The following RAB38 variants were observed in gnomAD, a reference collection of about 807,000 sequenced individuals.
RAB38 encodes RAB38, member RAS oncogene family.
In RAB38, 15 loss-of-function variants were observed where a neutral mutation model predicts 18.4. The observed-to-expected ratio is 0.82, with a 90% CI of 0.55 to 1.26. The LOEUF (loss-of-function observed/expected upper bound fraction) is 1.26. Ranked by LOEUF, RAB38 falls within the 50% of genes most tolerant of loss-of-function variation. The pLI is 0.00. For missense variants in RAB38, 294 were observed against 267.4 expected, an observed-to-expected ratio of 1.10 and a Z score of -0.69; for synonymous variants, 101 against 104.4, an observed-to-expected ratio of 0.97 and a Z score of 0.20.
intron 2 of RAB38, among the ~76,000 whole-genome samples, chr11:88,130,816 A>G (rs1942758779): frequency 6.6e-6 from 1 of 152,216 alleles, no homozygotes; most frequent in Non-Finnish European, 1.5e-5. Context: ...GGATGAAGTC[A>G]TAAAAGGCAT....
chr11:88,023,688 A>C, the RAB38 span, among the ~76,000 whole-genome samples: 1 of 152,162 alleles, frequency 6.6e-6, no homozygotes, highest in Non-Finnish European at 1.5e-5. Context: ...TCCTGGCTTA[A>C]AAACAGACCC....
At chr11:87,842,327 AAAT>A in the RAB38 span, among the ~76,000 whole-genome samples, 6 of 152,248 alleles carry the variant, frequency 3.9e-5, no homozygotes, top group East Asian at 1.2e-3. Flanking sequence ...AAAGAAGAAA[AAAT>A]AAGATTTTAA....
At chr11:88,153,515 C>T (rs1049473928) in intron 1 of RAB38, among the ~76,000 whole-genome samples, 102 of 152,196 alleles carry the variant, frequency 6.7e-4, no homozygotes, top group African/African-American at 2.3e-3. Context: ...TCCACCTCAG[C>T]CCCTCATTGC....
chr11:87,916,445 G>A, the RAB38 span, among the ~76,000 whole-genome samples: 9 of 152,134 alleles, frequency 5.9e-5, no homozygotes, highest in Non-Finnish European at 1.3e-4. Flanking sequence ...GTTCCACTGA[G>A]CATGTTTTGT....
the RAB38 span, among the ~76,000 whole-genome samples, chr11:88,017,629 C>T: frequency 1.3e-5 from 2 of 149,746 alleles, no homozygotes; most frequent in East Asian, 1.9e-4. Context: ...TTTTAAGACC[C>T]CTGCTTTCAA....
the RAB38 span, among the ~76,000 whole-genome samples, chr11:87,841,834 G>C: frequency 6.6e-6 from 1 of 152,296 alleles, no homozygotes; most frequent in Admixed American, 6.5e-5. Flanking sequence ...GCAACATGGG[G>C]TGTATAGTCA....
the RAB38 span, among the ~76,000 whole-genome samples, chr11:87,875,008 T>G: frequency 6.6e-6 from 1 of 151,594 alleles, no homozygotes; most frequent in Non-Finnish European, 1.5e-5. Context: ...CATACTTATT[T>G]CAGCATTATT....
chr11:88,027,576 C>A, the RAB38 span, among the ~76,000 whole-genome samples: 1 of 152,238 alleles, frequency 6.6e-6, no homozygotes, highest in Admixed American at 6.5e-5. Flanking sequence ...TTATATCCCG[C>A]AACTGGCTGG....
At chr11:88,124,993 TG>T (rs1225996323) in intron 2 of RAB38, among the ~76,000 whole-genome samples, 2 of 152,222 alleles carry the variant, frequency 1.3e-5, no homozygotes, top group Non-Finnish European at 2.9e-5. Flanking sequence ...TGCTTAGAGA[TG>T]ATGATGGACA....
chr11:87,937,423 CTGGT>C, the RAB38 span, among the ~76,000 whole-genome samples: 3 of 145,356 alleles, frequency 2.1e-5, no homozygotes, highest in Admixed American at 1.4e-4. Context: ...TTTGTACTGT[CTGGT>C]TGGTTTTTAT....
At chr11:88,163,342 G>A (rs1361800384) in intron 1 of RAB38, among the ~76,000 whole-genome samples, 1 of 152,108 alleles carries the variant, frequency 6.6e-6, no homozygotes, top group Admixed American at 6.5e-5. Context: ...GGGAACCCCA[G>A]CAGGAAAAGG....
chr11:88,066,506 A>T, the RAB38 span, among the ~76,000 whole-genome samples: 59 of 152,324 alleles, frequency 3.9e-4, no homozygotes, highest in Middle Eastern at 3.4e-3. Context: ...CTCTGCCTCA[A>T]TCTATGTGAT....
chr11:88,004,083 A>T, the RAB38 span, among the ~76,000 whole-genome samples: 1 of 144,708 alleles, frequency 6.9e-6, no homozygotes, highest in Non-Finnish European at 1.5e-5. Context: ...AAGAAAGAAA[A>T]TCAGGTCCTT....
At chr11:87,881,664 T>C in the RAB38 span, among the ~76,000 whole-genome samples, 1 of 151,850 alleles carries the variant, frequency 6.6e-6, no homozygotes, top group Non-Finnish European at 1.5e-5. Context: ...AAGATTATTA[T>C]GGGTTTGTCT....
At chr11:88,080,019 A>T in the RAB38 span, among the ~76,000 whole-genome samples, 1 of 151,782 alleles carries the variant, frequency 6.6e-6, no homozygotes, top group African/African-American at 2.4e-5. Context: ...TTTCTAATTA[A>T]CATTTTACAT....
chr11:87,853,317 A>T, the RAB38 span, among the ~76,000 whole-genome samples: 6 of 152,190 alleles, frequency 3.9e-5, no homozygotes, highest in Admixed American at 3.9e-4. Flanking sequence ...AGATGAGTTC[A>T]TGAGGGTGAG....
chr11:88,035,197 C>T, the RAB38 span, among the ~76,000 whole-genome samples: 1 of 152,096 alleles, frequency 6.6e-6, no homozygotes, highest in Non-Finnish European at 1.5e-5. Context: ...TGAGTAATTT[C>T]TTCATCCTTT....
chr11:87,826,054 T>C, the RAB38 span, among the ~76,000 whole-genome samples: 2 of 152,202 alleles, frequency 1.3e-5, no homozygotes, highest in Non-Finnish European at 1.5e-5. Flanking sequence ...AAGAATGAAG[T>C]CTCTATCCTC....
At chr11:88,007,337 T>G in the RAB38 span, among the ~76,000 whole-genome samples, 96,206 of 150,078 alleles carry the variant, frequency 0.64, 30,757 homozygotes, top group East Asian at 0.74. Flanking sequence ...GTTAACAAAA[T>G]AATTCATAGT....
Sources: allele counts gnomAD v4.1 joint callset (sites outside exome capture counted in the v4.1 genomes callset), GRCh38; gene constraint gnomAD v4.1.1; transcripts MANE v1.5; gene names NCBI Gene and HGNC (gene_info 2026-07-23, HGNC 2026-07-21).